The following CNTNAP2 variants were observed in gnomAD, a reference collection of about 807,000 sequenced individuals.
The protein encoded by CNTNAP2 is contactin-associated protein-like 2.
CNTNAP2 carries 98 observed loss-of-function variants against 155.2 expected under a neutral mutation model. The ratio of observed to expected loss-of-function variants is 0.63; its 90% confidence interval spans 0.54 to 0.75. The LOEUF (loss-of-function observed/expected upper bound fraction) is 0.75. CNTNAP2 is among the 30% of genes least tolerant of loss of function. The pLI, the probability that CNTNAP2 is intolerant of heterozygous loss-of-function variation, is 0.00. For synonymous variants in CNTNAP2, 651 were observed against 631.2 expected (o/e 1.03, Z -0.47); for missense variants, 1,727 against 1,688.1 (o/e 1.02, Z -0.40).
chr7:146,440,214 G>C (rs1796301317), intron 1 of CNTNAP2, among the ~76,000 whole-genome samples: 1 of 151,584 alleles, frequency 6.6e-6, no homozygotes, highest in Non-Finnish European at 1.5e-5. Context: ...TTTTGGATTG[G>C]TTTTTGAAAA....
chr7:146,566,197 G>A (rs529640757), intron 1 of CNTNAP2, among the ~76,000 whole-genome samples: 4 of 152,286 alleles, frequency 2.6e-5, no homozygotes, highest in African/African-American at 9.6e-5. Flanking sequence ...TAGCATCGTC[G>A]TTTTAATGAG....
At chr7:146,405,326 A>T (rs1031667277) in intron 1 of CNTNAP2, among the ~76,000 whole-genome samples, 1 of 152,188 alleles carries the variant, frequency 6.6e-6, no homozygotes, top group African/African-American at 2.4e-5. Flanking sequence ...TCCTTACATT[A>T]TGAAACTGTA....
intron 8 of CNTNAP2, among the ~76,000 whole-genome samples, chr7:147,227,808 C>T (rs1803583530): frequency 6.6e-6 from 1 of 152,038 alleles, no homozygotes; most frequent in Non-Finnish European, 1.5e-5. Context: ...ATCTGGAATT[C>T]AGGGGAGACA....
intron 14 of CNTNAP2, among the ~76,000 whole-genome samples, chr7:147,949,099 G>C (rs555723858): frequency 6.6e-6 from 1 of 151,984 alleles, no homozygotes; most frequent in South Asian, 2.1e-4. Context: ...TACTCAGGAG[G>C]CTGAGGCAGG....
At chr7:146,125,395 T>G (rs974832855) in intron 1 of CNTNAP2, among the ~76,000 whole-genome samples, 1 of 151,586 alleles carries the variant, frequency 6.6e-6, no homozygotes, top group Non-Finnish European at 1.5e-5. Context: ...GCTAACACGG[T>G]GAAACCCCAT....
At chr7:147,265,140 C>T (rs888872441) in intron 8 of CNTNAP2, among the ~76,000 whole-genome samples, 2 of 152,166 alleles carry the variant, frequency 1.3e-5, no homozygotes, top group East Asian at 3.9e-4. Context: ...ACAAGCAGGG[C>T]TGTGGGTACC....
intron 5 of CNTNAP2, among the ~76,000 whole-genome samples, chr7:147,113,725 G>A (rs1325387585): frequency 1.3e-5 from 2 of 152,082 alleles, no homozygotes; most frequent in Non-Finnish European, 2.9e-5. Context: ...TACGATTTGG[G>A]TGGGAACACA....
At chr7:147,308,752 C>T (rs972603847) in intron 9 of CNTNAP2, among the ~76,000 whole-genome samples, 1 of 152,178 alleles carries the variant, frequency 6.6e-6, no homozygotes, top group South Asian at 2.1e-4. Context: ...CCCTCCCAAA[C>T]AAAATTCCCA....
chr7:147,801,324 T>G (rs1797980172), intron 13 of CNTNAP2, among the ~76,000 whole-genome samples: 1 of 150,668 alleles, frequency 6.6e-6, no homozygotes. Context: ...TTTTTTTTTT[T>G]TAATTTTTTT....
At chr7:148,048,602 G>A (rs1802820267) in intron 15 of CNTNAP2, among the ~76,000 whole-genome samples, 1 of 152,102 alleles carries the variant, frequency 6.6e-6, no homozygotes, top group East Asian at 1.9e-4. Context: ...GGTCCTCTTG[G>A]ATCAAAGAAT....
intron 17 of CNTNAP2, among the ~76,000 whole-genome samples, chr7:148,156,454 G>A (rs1009520649): frequency 6.6e-6 from 1 of 151,946 alleles, no homozygotes; most frequent in Non-Finnish European, 1.5e-5. Context: ...CCATCACTTA[G>A]TCTCTCCTGC....
intron 1 of CNTNAP2, among the ~76,000 whole-genome samples, chr7:146,462,757 T>G (rs564630888): frequency 6.6e-6 from 1 of 152,328 alleles, no homozygotes; most frequent in East Asian, 1.9e-4. Context: ...TTGGAAAAAC[T>G]TATTTACTCC....
chr7:147,038,618 T>G lies in CNTNAP2; in HGVS notation c.403-5289T>G, dbSNP rs549909926. Reference sequence around the variant, plus strand: ...TCCTGCAGTTTTGTTTGTTTTCTTTTCACTCAGCGTGCATTGGAGATCCCA... The same window carrying G: ...TCCTGCAGTTTTGTTTGTTTTCTTTGCACTCAGCGTGCATTGGAGATCCCA... On this transcript the variant is annotated intron_variant, in intron 3 of 23. Coordinates refer to ENST00000361727, the MANE Select transcript of CNTNAP2 (RefSeq NM_014141.6). Among the ~76,000 whole-genome samples, 32 of 152,296 alleles carry G rather than the reference T, an allele frequency of 2.1e-4. No individual in the cohort carries two copies. The South Asian group carries it at 6.0e-3, about 29-fold the overall frequency.
At chr7:146,866,786 G>T (rs1036636473) in intron 3 of CNTNAP2, among the ~76,000 whole-genome samples, 2 of 152,014 alleles carry the variant, frequency 1.3e-5, no homozygotes, top group African/African-American at 4.8e-5. Context: ...TTGTCTATCA[G>T]TACAATATTT....
intron 16 of CNTNAP2, among the ~76,000 whole-genome samples, chr7:148,131,508 A>T (rs1215205241): frequency 6.6e-6 from 1 of 152,210 alleles, no homozygotes; most frequent in African/African-American, 2.4e-5. Context: ...CCTGCCTATG[A>T]CCATCTGTAA....
intron 1 of CNTNAP2, among the ~76,000 whole-genome samples, chr7:146,416,221 G>T (rs1348794150): frequency 1.3e-5 from 2 of 150,974 alleles, no homozygotes; most frequent in Non-Finnish European, 2.9e-5. Context: ...TAATGTTATT[G>T]TATTGTCAAC....
intron 1 of CNTNAP2, among the ~76,000 whole-genome samples, chr7:146,733,372 T>C (rs1472143878): frequency 6.6e-6 from 1 of 152,100 alleles, no homozygotes; most frequent in Non-Finnish European, 1.5e-5. Flanking sequence ...CAGTTGTCAT[T>C]TTATTCGTTT....
chr7:147,803,305 CT>C (rs568396261), intron 13 of CNTNAP2, among the ~76,000 whole-genome samples: 41 of 152,170 alleles, frequency 2.7e-4, no homozygotes, highest in Non-Finnish European at 4.7e-4. Context: ...TAATTCTGCT[CT>C]TGGGGGACAG....
chr7:146,633,464 C>A (rs1049869578), intron 1 of CNTNAP2, among the ~76,000 whole-genome samples: 1 of 152,034 alleles, frequency 6.6e-6, no homozygotes, highest in African/African-American at 2.4e-5. Flanking sequence ...GGATAGGATA[C>A]CATATGGCTT....
Sources: allele counts gnomAD v4.1 joint callset (sites outside exome capture counted in the v4.1 genomes callset), GRCh38; gene constraint gnomAD v4.1.1; transcripts MANE v1.5; gene names NCBI Gene and HGNC (gene_info 2026-07-23, HGNC 2026-07-21).